Variants in MAST4 observed in about 807,000 individuals in gnomAD.
MAST4 encodes the protein microtubule-associated serine/threonine-protein kinase 4.
Under a neutral mutation model 162.7 loss-of-function variants are expected in MAST4, and 89 were observed. That is an observed-to-expected ratio of 0.55 (90% CI 0.46 to 0.65). MAST4 has a LOEUF of 0.65. MAST4 is among the 30% of genes least tolerant of loss of function. The probability of loss-of-function intolerance (pLI) is 0.00; values close to 1 mark genes in which losing one functional copy is unlikely to be tolerated. For missense variants in MAST4, 3,153 were observed against 3,374.0 expected (o/e 0.93, Z 1.62); for synonymous variants, 1,479 against 1,361.1 (o/e 1.09, Z -1.91).
At chr5:66,924,918 A>C (rs964419930) in intron 4 of MAST4, among the ~76,000 whole-genome samples, 1 of 152,216 alleles carries the variant, frequency 6.6e-6, no homozygotes, top group African/African-American at 2.4e-5. Context: ...AGCATTTAAG[A>C]AATAGGATAA....
At position 67,025,807 on chromosome 5, in the gene MAST4, C is replaced by T. The variant is rs114298557; in HGVS notation, c.675-28597C>T. Among the ~76,000 whole-genome samples, 1,268 of 152,342 alleles carry T rather than the reference C, an allele frequency of 8.3e-3. 12 individuals are homozygous for T. The highest frequency in any genetic ancestry group is 0.029 in the African/African-American group (1,207 of 41,570). ...AAAGGAGTAGAGTAATTATCACCCACATCATGTGCCTCTGGAGGGCCCCAA... is the reference window on the plus strand; with the variant it reads ...AAAGGAGTAGAGTAATTATCACCCATATCATGTGCCTCTGGAGGGCCCCAA... On this transcript the variant is annotated intron_variant, in intron 4 of 28. Coordinates refer to ENST00000403625, the MANE Select transcript of MAST4 (RefSeq NM_001164664.2).
At chr5:67,147,897 A>T (rs770649775) in intron 23 of MAST4, among the ~76,000 whole-genome samples, 2 of 152,222 alleles carry the variant, frequency 1.3e-5, no homozygotes, top group Non-Finnish European at 2.9e-5. Context: ...GAAGTCCATG[A>T]ATCTTTTCCT....
At chr5:66,942,368 G>A (rs889659050) in intron 4 of MAST4, among the ~76,000 whole-genome samples, 2 of 152,126 alleles carry the variant, frequency 1.3e-5, no homozygotes, top group Non-Finnish European at 2.9e-5. Context: ...GTTTCTGATA[G>A]TACCCATGGT....
intron 3 of MAST4, among the ~76,000 whole-genome samples, chr5:66,811,390 G>GA (rs1307659183): frequency 2.0e-5 from 3 of 152,060 alleles, no homozygotes; most frequent in Non-Finnish European, 4.4e-5. Context: ...CTATATTCAT[G>GA]AAAAAAATAC....
At chr5:66,841,367 T>C (rs577257127) in intron 3 of MAST4, among the ~76,000 whole-genome samples, 1 of 152,320 alleles carries the variant, frequency 6.6e-6, no homozygotes, top group African/African-American at 2.4e-5. Flanking sequence ...GACAGGATTA[T>C]TACAATGACT....
At chr5:66,876,793 T>C (rs1172260869) in intron 3 of MAST4, among the ~76,000 whole-genome samples, 1 of 151,756 alleles carries the variant, frequency 6.6e-6, no homozygotes, top group East Asian at 1.9e-4. Flanking sequence ...AAGTCAGAGG[T>C]TTTGTGGGCA....
At chr5:66,723,930 G>A (rs1160427434) in intron 1 of MAST4, among the ~76,000 whole-genome samples, 2 of 152,080 alleles carry the variant, frequency 1.3e-5, no homozygotes, top group Admixed American at 1.3e-4. Context: ...TCTCCCCTAA[G>A]CAGTTGCTGG....
chr5:66,867,432 G>A (rs952865798), intron 3 of MAST4, among the ~76,000 whole-genome samples: 39 of 152,128 alleles, frequency 2.6e-4, no homozygotes, highest in African/African-American at 7.7e-4. Flanking sequence ...TAATGTTAGG[G>A]GAACAATAAT....
At chr5:66,835,489 T>C (rs1757903260) in intron 3 of MAST4, among the ~76,000 whole-genome samples, 1 of 152,118 alleles carries the variant, frequency 6.6e-6, no homozygotes, top group South Asian at 2.1e-4. Context: ...CCTCAAAAGA[T>C]TTCTCACGAT....
intron 5 of MAST4, among the ~76,000 whole-genome samples, chr5:67,087,285 G>T (rs1224982616): frequency 6.6e-6 from 1 of 152,058 alleles, no homozygotes; most frequent in Non-Finnish European, 1.5e-5. Context: ...GACTATGCTT[G>T]GTTTGCCCAC....
chr5:66,690,958 G>A (rs760901691), intron 1 of MAST4, among the ~76,000 whole-genome samples: 2 of 152,094 alleles, frequency 1.3e-5, no homozygotes, highest in Non-Finnish European at 2.9e-5. Context: ...AATAAGAATT[G>A]GGCATTTGAA....
chr5:67,111,452 A>G (rs975890534), intron 11 of MAST4, among the ~76,000 whole-genome samples: 1 of 152,164 alleles, frequency 6.6e-6, no homozygotes, highest in Non-Finnish European at 1.5e-5. Context: ...GGTGTAGGGA[A>G]GGGCTTTCTA....
rs1170903246 is a variant in MAST4 at position 66,775,025 on chromosome 5, GTGTGTGTGTGTA to G, written c.518-13635_518-13624del. On this transcript the variant is annotated intron_variant, in intron 2 of 28. Coordinates refer to ENST00000403625, the MANE Select transcript of MAST4 (RefSeq NM_001164664.2). ...TGTGTGTGTGTGTGTGTGTGTGTGT[GTGTGTGTGTGTA>G]TGTGTGTGTTTTCCCCCTGTAGCTG... 1.7e-3 allele frequency among the ~76,000 whole-genome samples: 258 copies of G among 147,916 alleles called. 1 individual carries two copies. The highest frequency in any genetic ancestry group is 5.1e-3 in the African/African-American group (206 of 40,014).
chr5:67,105,164 G>A (rs1043980869), intron 10 of MAST4, among the ~76,000 whole-genome samples: 2 of 152,152 alleles, frequency 1.3e-5, no homozygotes, highest in Non-Finnish European at 2.9e-5. Flanking sequence ...AAGAGAGTCT[G>A]TATGGGGGAA....
chr5:66,618,033 T>TGGGGG (rs66792189), intron 1 of MAST4, among the ~76,000 whole-genome samples: 154 of 143,532 alleles, frequency 1.1e-3, no homozygotes, highest in South Asian at 4.9e-3. Context: ...CTGGGAGGAA[T>TGGGGG]GGGGGGGGGG....
chr5:67,010,368 A>G (rs1376133043), intron 4 of MAST4, among the ~76,000 whole-genome samples: 1 of 152,172 alleles, frequency 6.6e-6, no homozygotes, highest in Non-Finnish European at 1.5e-5. Flanking sequence ...TGGTCAGGGA[A>G]GGTCTTTCGA....
At chr5:66,995,634 C>CT (rs1367017328) in intron 4 of MAST4, among the ~76,000 whole-genome samples, 1 of 152,138 alleles carries the variant, frequency 6.6e-6, no homozygotes, top group Non-Finnish European at 1.5e-5. Context: ...ATCTCTTGAC[C>CT]TTTTGATCCA....
At chr5:67,008,911 A>C (rs923845784) in intron 4 of MAST4, among the ~76,000 whole-genome samples, 1 of 152,148 alleles carries the variant, frequency 6.6e-6, no homozygotes, top group African/African-American at 2.4e-5. Flanking sequence ...GTAGTGTTTG[A>C]TGAGTTTTTC....
intron 1 of MAST4, among the ~76,000 whole-genome samples, chr5:66,682,197 G>A (rs935623642): frequency 1.2e-4 from 19 of 152,280 alleles, no homozygotes; most frequent in Admixed American, 1.0e-3. Flanking sequence ...AAGAGTAGTC[G>A]TGAGTGGCCC....
Sources: allele counts gnomAD v4.1 joint callset (sites outside exome capture counted in the v4.1 genomes callset), GRCh38; gene constraint gnomAD v4.1.1; transcripts MANE v1.5; gene names NCBI Gene and HGNC (gene_info 2026-07-23, HGNC 2026-07-21).